Variants in PCDH7 observed in about 807,000 individuals in gnomAD.
The protein encoded by PCDH7 is protocadherin-7.
A neutral mutation model predicts 58.9 loss-of-function variants in PCDH7; 17 were observed. The ratio of observed to expected loss-of-function variants is 0.29; its 90% confidence interval spans 0.20 to 0.43. The LOEUF is 0.43. Among genes scored for constraint, PCDH7 ranks in the 20% least tolerant of loss-of-function variants. PCDH7 has a pLI of 1.00. For synonymous variants in PCDH7, 664 were observed against 616.4 expected (o/e 1.08, Z -1.14); for missense variants, 1,274 against 1,441.0 (o/e 0.88, Z 1.88).
In PCDH7 at chr4:31,057,933, T is replaced by C. The variant is rs573498062; in HGVS notation, c.*8-84540T>C. 8.3e-4 allele frequency among the ~76,000 whole-genome samples: 127 copies of C among 152,144 alleles called. 1 individual carries two copies. The highest frequency in any genetic ancestry group is 2.9e-3 in the African/African-American group (122 of 41,534). ...GCCTTTAGAATCATAGAAAGCATGA[T>C]TAGGGGTTCAAAGAAAAGATAAATC... is the stretch of plus-strand genomic sequence containing the variant. On this transcript the variant is annotated intron_variant, in intron 3 of 3. Transcript: ENST00000509759.
At chr4:30,908,243 T>TA (rs5857211) in intron 1 of PCDH7, among the ~76,000 whole-genome samples, 17,331 of 140,882 alleles carry the variant, frequency 0.12, 1,148 homozygotes, top group Non-Finnish European at 0.13. Context: ...TAAAGAATAA[T>TA]AAAAAAAAAA....
chr4:30,723,598 G>A lies in PCDH7; in HGVS notation c.2176G>A (p.Ala726Thr), dbSNP rs753179177. Reference sequence around the variant, plus strand: ...GGGAGATCCTCCCAGATCTGCCACAGCTACAGTCTCGCTTTTTGTGATGGA... The same window carrying A: ...GGGAGATCCTCCCAGATCTGCCACAACTACAGTCTCGCTTTTTGTGATGGA... The change falls in exon 1 of 2, where the codon GCT becomes ACT. Residue 726 changes from alanine (A) to threonine (T), a missense_variant. This residue lies in a region of PCDH7 where 731 missense variants were observed against 881.9 expected (regional missense o/e 0.83). Coordinates refer to ENST00000361762, the Ensembl canonical transcript of PCDH7. This position sits in a 1 kb window ranked among gnomAD's most constrained non-coding sequence, Gnocchi z 4.6. 3 of 1,614,212 alleles carry A rather than the reference G, an allele frequency of 1.9e-6. No individual in the cohort carries two copies. Among genetic ancestry groups the A allele is most frequent in the African/African-American group, 1.3e-5 (1 of 75,068 alleles).
At chr4:30,899,570 C>T (rs2109393111) in intron 1 of PCDH7, among the ~76,000 whole-genome samples, 1 of 152,238 alleles carries the variant, frequency 6.6e-6, no homozygotes, top group African/African-American at 2.4e-5. Flanking sequence ...GAAGCAGTAG[C>T]CTGTCTGCCA....
chr4:31,047,378 T>A (rs1413742668), intron 3 of PCDH7, among the ~76,000 whole-genome samples: 1 of 152,088 alleles, frequency 6.6e-6, no homozygotes, highest in Non-Finnish European at 1.5e-5. Context: ...CATCATTTCA[T>A]CTTTTTTGTT....
intron 2 of PCDH7, among the ~76,000 whole-genome samples, chr4:30,929,106 C>T (rs1744244066): frequency 6.6e-6 from 1 of 151,894 alleles, no homozygotes; most frequent in Admixed American, 6.6e-5. Context: ...CAATAATAAC[C>T]CGTAAATAAT....
rs773620916 is a variant in PCDH7, at chr4:30,831,837, TTC to T, written c.71-88314_71-88313del. 2.0e-5 allele frequency among the ~76,000 whole-genome samples: 3 copies of T among 151,568 alleles called. No individual in the cohort carries two copies. In the East Asian group the frequency reaches 5.9e-4, roughly 30 times the overall value. On this transcript the variant is annotated intron_variant, in intron 1 of 3. Transcript: ENST00000509759. ...GATGAATATTCAATCATCAATAAAC[TTC>T]TTTGTCATGCTCTGCTAGTCAAGTT...
intron 1 of PCDH7, among the ~76,000 whole-genome samples, chr4:30,829,315 A>G (rs1437858940): frequency 6.6e-6 from 1 of 152,132 alleles, no homozygotes; most frequent in Non-Finnish European, 1.5e-5. Flanking sequence ...AATTAAATAC[A>G]TATAAATATA....
chr4:30,858,100 AC>A (rs2109351880), intron 1 of PCDH7, among the ~76,000 whole-genome samples: 1 of 152,268 alleles, frequency 6.6e-6, no homozygotes, highest in South Asian at 2.1e-4. Context: ...ACACATATGA[AC>A]TTTTGCCTAC....
intron 3 of PCDH7, among the ~76,000 whole-genome samples, chr4:31,097,800 T>C (rs1274147502): frequency 6.6e-6 from 1 of 151,456 alleles, no homozygotes; most frequent in Non-Finnish European, 1.5e-5. Context: ...GTGCTTTTCT[T>C]TTTTCAGACA....
At chr4:30,980,122 A>C (rs1750421210) in intron 3 of PCDH7, among the ~76,000 whole-genome samples, 1 of 152,206 alleles carries the variant, frequency 6.6e-6, no homozygotes, top group Non-Finnish European at 1.5e-5. Context: ...TTTATATACA[A>C]GATTAAGATG....
intron 3 of PCDH7, among the ~76,000 whole-genome samples, chr4:31,090,149 G>A (rs983138090): frequency 1.3e-5 from 2 of 151,978 alleles, no homozygotes; most frequent in Non-Finnish European, 2.9e-5. Flanking sequence ...GCTTATTCAG[G>A]TCATTGTACC....
rs1333743815 is a variant in PCDH7, at chr4:31,136,913, A to AT, written c.*8-5553dup. 1.1e-4 allele frequency among the ~76,000 whole-genome samples: 17 copies of AT among 152,194 alleles called. No homozygotes were observed. In the East Asian group the frequency reaches 3.3e-3, roughly 29 times the overall value. ...AGTTTTGGTTAACCAGCATTTAATT[A>AT]TTTTTTTCTCAGCCCTATCATATAA... On this transcript the variant is annotated intron_variant, in intron 3 of 3. Coordinates refer to the PCDH7 transcript ENST00000509759.
At chr4:31,049,236 G>A (rs1280926855) in intron 3 of PCDH7, among the ~76,000 whole-genome samples, 3 of 152,002 alleles carry the variant, frequency 2.0e-5, no homozygotes, top group African/African-American at 4.8e-5. Context: ...ACCTACGAGT[G>A]AGAACATGCG....
chr4:30,721,213 G>A lies in PCDH7; in HGVS notation c.-210G>A. 3 of 542,516 alleles carry A rather than the reference G, an allele frequency of 5.5e-6. No individual in the cohort carries two copies. In the South Asian group the frequency reaches 8.0e-5, roughly 14 times the overall value. 33.6% of individuals were successfully genotyped at this position (542,516 alleles called of 1,614,324 possible). A position where few individuals can be genotyped will look rare whatever the true frequency, so the allele number is the denominator to read the frequency against. The stretch of plus-strand genomic sequence containing the variant: ...ACAATAACTTTCGGAAGAAGCAGGA[G>A]GAAAAAAAGAAGCATCTATCGCTGC... On this transcript the variant is annotated 5_prime_UTR_variant, in exon 1 of 2. Coordinates refer to ENST00000361762, the Ensembl canonical transcript of PCDH7. The surrounding 1 kb of genome is among the most constrained non-coding windows in gnomAD (Gnocchi z 6.7).
intron 1 of PCDH7, among the ~76,000 whole-genome samples, chr4:30,777,686 A>G (rs767527761): frequency 6.6e-6 from 1 of 152,160 alleles, no homozygotes; most frequent in Non-Finnish European, 1.5e-5. Flanking sequence ...CACCTTTAGT[A>G]AGAGTGGTTA....
chr4:30,960,555 A>T (rs965421531), intron 3 of PCDH7, among the ~76,000 whole-genome samples: 8 of 152,230 alleles, frequency 5.3e-5, no homozygotes, highest in Admixed American at 5.2e-4. Flanking sequence ...GGAGGAAATT[A>T]TAGGATATAT....
chr4:30,774,341 C>G (rs1577739921), intron 1 of PCDH7, among the ~76,000 whole-genome samples: 1 of 152,152 alleles, frequency 6.6e-6, no homozygotes, highest in East Asian at 1.9e-4. Context: ...TGCCTCTTAA[C>G]TCTTAGGCCT....
chr4:31,127,290 T>C (rs1340337004), intron 3 of PCDH7, among the ~76,000 whole-genome samples: 11 of 152,204 alleles, frequency 7.2e-5, no homozygotes, highest in Middle Eastern at 3.2e-3. Flanking sequence ...AAAGATGACA[T>C]TCTAATTACA....
intron 1 of PCDH7, among the ~76,000 whole-genome samples, chr4:30,784,296 C>T (rs1019144956): frequency 4.6e-5 from 7 of 152,110 alleles, no homozygotes; most frequent in Non-Finnish European, 1.0e-4. Flanking sequence ...TGTTTCTAAA[C>T]ATTTAATCTT....
Sources: allele counts gnomAD v4.1 joint callset (sites outside exome capture counted in the v4.1 genomes callset), GRCh38; gene constraint gnomAD v4.1.1; regional missense constraint gnomAD v4.1.1; non-coding constraint Gnocchi (gnomAD v3.1); transcripts MANE v1.5; gene names NCBI Gene and HGNC (gene_info 2026-07-23, HGNC 2026-07-21).